Variants in FYB1 observed in about 807,000 individuals in gnomAD.
FYB1 encodes FYN binding protein 1, also known as FYN-binding protein 1.
A neutral mutation model predicts 94.1 loss-of-function variants in FYB1; 41 were observed. The ratio of observed to expected loss-of-function variants is 0.44; its 90% CI spans 0.34 to 0.57. The LOEUF (loss-of-function observed/expected upper bound fraction) is 0.57. Among genes scored for constraint, FYB1 ranks in the 20% least tolerant of loss-of-function variants. The pLI, the probability that FYB1 is intolerant of heterozygous loss-of-function variation, is 0.02. For synonymous variants in FYB1, 367 were observed against 353.2 expected (o/e 1.04, Z -0.44); for missense variants, 1,050 against 976.8 (o/e 1.07, Z -1.00).
In FYB1 at chr5:39,141,214, G is replaced by A. The variant is rs553546607; in HGVS notation, c.1293-73C>T. ...CACCTTACAATGAAAAAGGGAAAAG[G>A]ATTATTTCATGAATTGTTCTTTTTT... On this transcript the variant is annotated intron_variant, in intron 3 of 18. Coordinates refer to ENST00000512982, the MANE Select transcript of FYB1 (RefSeq NM_001465.6). 15 of 1,003,244 alleles carry A rather than the reference G, an allele frequency of 1.5e-5. No homozygotes were observed. In the South Asian group the frequency reaches 2.1e-4, roughly 14 times the overall value. 62.1% of individuals were successfully genotyped at this position (1,003,244 alleles called of 1,614,324 possible).
At chr5:39,130,645 C>T in intron 9 of FYB1, 33 bp from the exon 10 acceptor site, 1 of 1,508,146 alleles carries the variant, frequency 6.6e-7, no homozygotes, top group Non-Finnish European at 9.1e-7. Flanking sequence ...TTAAGTTAAT[C>T]TATGAATTAC....
intron 16 of FYB1, among the ~76,000 whole-genome samples, chr5:39,112,498 A>G (rs1739161076): frequency 6.6e-6 from 1 of 152,086 alleles, no homozygotes; most frequent in Admixed American, 6.6e-5. Context: ...AACTGTTGTT[A>G]GAGACTGAAG....
chr5:39,194,419 G>A (rs893025752), intron 2 of FYB1, among the ~76,000 whole-genome samples: 8 of 152,026 alleles, frequency 5.3e-5, no homozygotes, highest in East Asian at 3.9e-4. Context: ...CCAGCTATTC[G>A]GGAGGCTGAA....
At chr5:39,137,901 A>C (rs1741800449) in intron 6 of FYB1, 181 bp from the exon 7 acceptor site, 1 of 704,784 alleles carries the variant, frequency 1.4e-6, no homozygotes, top group South Asian at 1.9e-5. Context: ...AGTAGGAGGC[A>C]CACTGCTGAG....
rs190371645 is a variant in FYB1, at chr5:39,106,379, G to T, written c.*1064C>A. 2 of 152,016 alleles carry T rather than the reference G, an allele frequency of 1.3e-5. No individual in the cohort carries two copies. The highest frequency in any genetic ancestry group is 2.9e-5 in the Non-Finnish European group (2 of 67,948). 9.4% of individuals were successfully genotyped at this position (152,016 alleles called of 1,614,324 possible). ...TTCATTTTTTAAATCATGCTATTTA[G>T]TGTTCTTAACATTTGAAACCCAAAT... On this transcript the variant is annotated 3_prime_UTR_variant, in exon 19 of 19. Coordinates refer to ENST00000512982, the MANE Select transcript of FYB1 (RefSeq NM_001465.6).
At chr5:39,194,490 T>A (rs1486953672) in intron 2 of FYB1, among the ~76,000 whole-genome samples, 3 of 150,890 alleles carry the variant, frequency 2.0e-5, no homozygotes, top group African/African-American at 7.3e-5. Flanking sequence ...GCCACTGCAG[T>A]CCAGCCTGAG....
At chr5:39,265,793 G>A (rs1348551059) in intron 1 of FYB1, among the ~76,000 whole-genome samples, 1 of 152,192 alleles carries the variant, frequency 6.6e-6, no homozygotes, top group Non-Finnish European at 1.5e-5. Context: ...TGGACACCAT[G>A]TGTTGTTCAC....
At position 39,132,154 on chromosome 5, in the gene FYB1, C is replaced by T. The variant is rs542042699; in HGVS notation, c.1818-1542G>A. Among the ~76,000 whole-genome samples the T allele has an allele frequency of 1.4e-3, 208 of 152,226 alleles. 1 individual carries two copies. In the Middle Eastern group the frequency reaches 0.024, roughly 17 times the overall value. On this transcript the variant is annotated intron_variant, in intron 9 of 18. Transcript: ENST00000512982. ...TGCTTTGAAGCCTCAAAACTGCTCC[C>T]GGAGTTTGAAGCACTCACAGCCATT...
chr5:39,150,543 A>C (rs1453660950), intron 3 of FYB1, among the ~76,000 whole-genome samples: 1 of 152,130 alleles, frequency 6.6e-6, no homozygotes, highest in Admixed American at 6.5e-5. Flanking sequence ...AACTCTTGAG[A>C]TCTTTAGATC....
chr5:39,204,371 AT>A (rs1295560196), intron 1 of FYB1, among the ~76,000 whole-genome samples: 4 of 152,188 alleles, frequency 2.6e-5, no homozygotes, highest in African/African-American at 9.7e-5. Flanking sequence ...CTGCAGGAGG[AT>A]GGCATGGCCA....
rs1486153277 is a variant in FYB1 at position 39,138,683 on chromosome 5, G to A, written c.1368C>T (p.Asp456=). ...DGAGNLDEEQ[D]SEGETYEDIE... is the part of the protein sequence containing the mutation. ...TGTCTTCATATGTTTCTCCTTCACT[G>A]TCTTGTTCCTGTAAAGAAAAACATT... The change falls in exon 6 of 19, where the codon GAC becomes GAT. Residue 456 remains aspartate (D), a synonymous_variant. Coordinates refer to ENST00000512982, the MANE Select transcript of FYB1 (RefSeq NM_001465.6). 6 of 1,518,668 alleles carry A rather than the reference G, an allele frequency of 4.0e-6. No individual in the cohort carries two copies. Among genetic ancestry groups the A allele is most frequent in the African/African-American group, 1.4e-5 (1 of 72,618 alleles). The allele number at this position is 1,518,668 out of a possible 1,614,324, so 94.1% of individuals were successfully genotyped here. A position where few individuals can be genotyped will look rare whatever the true frequency, so the allele number is the denominator to read the frequency against.
At chr5:39,151,414 T>C (rs1021974862) in intron 3 of FYB1, among the ~76,000 whole-genome samples, 20 of 152,118 alleles carry the variant, frequency 1.3e-4, no homozygotes, top group Admixed American at 6.5e-5. Flanking sequence ...CTCAGCCTCC[T>C]GAGTATCTGG....
intron 1 of FYB1, among the ~76,000 whole-genome samples, chr5:39,209,518 G>A (rs888764528): frequency 6.6e-6 from 1 of 152,148 alleles, no homozygotes; most frequent in South Asian, 2.1e-4. Flanking sequence ...TAGAGATGGG[G>A]TCTCACCATG....
At chr5:39,251,759 A>G (rs1250404260) in intron 1 of FYB1, among the ~76,000 whole-genome samples, 2 of 152,190 alleles carry the variant, frequency 1.3e-5, no homozygotes, top group Non-Finnish European at 2.9e-5. Context: ...TGTTGTGAAA[A>G]TAGAAGCAAT....
chr5:39,208,685 G>C (rs922859664), intron 1 of FYB1, among the ~76,000 whole-genome samples: 6 of 152,164 alleles, frequency 3.9e-5, no homozygotes, highest in Admixed American at 3.9e-4. Flanking sequence ...CCTGCCTAAG[G>C]CTTCGGAGAT....
chr5:39,245,805 G>C (rs1012690661), intron 1 of FYB1, among the ~76,000 whole-genome samples: 1 of 152,068 alleles, frequency 6.6e-6, no homozygotes, highest in African/African-American at 2.4e-5. Context: ...TCGCCATGTC[G>C]GCCAGGCTGG....
At chr5:39,264,050 T>C (rs463380) in intron 1 of FYB1, among the ~76,000 whole-genome samples, 124,584 of 152,134 alleles carry the variant, frequency 0.82, 53,003 homozygotes, top group Non-Finnish European at 0.93. Context: ...GGTGCTTGGA[T>C]GTAAGGACAG....
chr5:39,138,664 C>T lies in FYB1; in HGVS notation c.1387G>A (p.Glu463Lys). Residue 463 changes from glutamate to lysine, a missense_variant, in exon 6 of 19, where the codon GAA becomes AAA. Transcript: ENST00000512982. Reference protein sequence around the residue: ...EEQDSEGETYEDIEASKEREK... With the variant: ...EEQDSEGETYKDIEASKEREK... ...AAAAAATGTAATTCATACATGTCTT[C>T]ATATGTTTCTCCTTCACTGTCTTGT... 2 of 1,520,222 alleles carry T rather than the reference C, an allele frequency of 1.3e-6. No homozygotes were observed. Among genetic ancestry groups the T allele is most frequent in the Non-Finnish European group, 1.8e-6 (2 of 1,103,134 alleles). The allele number at this position is 1,520,222 out of a possible 1,614,324, so 94.2% of individuals were successfully genotyped here.
At chr5:39,196,791 C>T (rs1747875106) in intron 2 of FYB1, among the ~76,000 whole-genome samples, 1 of 152,202 alleles carries the variant, frequency 6.6e-6, no homozygotes, top group Admixed American at 6.5e-5. Context: ...GGAACACAGT[C>T]TGCGGAATCA....
Sources: allele counts gnomAD v4.1 joint callset (sites outside exome capture counted in the v4.1 genomes callset), GRCh38; gene constraint gnomAD v4.1.1; transcripts MANE v1.5; gene names NCBI Gene and HGNC (gene_info 2026-07-23, HGNC 2026-07-21).